The following ABL2 variants were observed in gnomAD, a reference collection of about 807,000 sequenced individuals.
The protein encoded by ABL2 is tyrosine-protein kinase ABL2.
Under a neutral mutation model 107.7 loss-of-function variants are expected in ABL2, and 49 were observed. The observed-to-expected ratio is 0.45, with a 90% CI of 0.36 to 0.58. ABL2 has a LOEUF of 0.58. Among genes scored for constraint, ABL2 ranks in the 20% least tolerant of loss-of-function variants. ABL2 has a pLI of 0.00. For synonymous variants in ABL2, 549 were observed against 548.6 expected (o/e 1.00, Z -0.01); for missense variants, 1,245 against 1,457.0 (o/e 0.85, Z 2.37).
At chr1:179,137,165 G>C (rs2102690889) in intron 1 of ABL2, among the ~76,000 whole-genome samples, 1 of 152,162 alleles carries the variant, frequency 6.6e-6, no homozygotes, top group East Asian at 1.9e-4. Flanking sequence ...TGGTGAATGG[G>C]AACAGCTGTA....
intron 4 of ABL2, among the ~76,000 whole-genome samples, chr1:179,122,275 TTA>T (rs1491234428): frequency 2.1e-5 from 2 of 96,978 alleles, no homozygotes; most frequent in Admixed American, 1.1e-4. Context: ...AAGGCTATCT[TTA>T]AAAAAAAAAA....
intron 7 of ABL2, among the ~76,000 whole-genome samples, chr1:179,117,849 T>C (rs567983397): frequency 1.1e-3 from 168 of 152,210 alleles, no homozygotes; most frequent in African/African-American, 3.9e-3. Context: ...CCAGGTGTGG[T>C]GGCTCACGCC....
intron 1 of ABL2, among the ~76,000 whole-genome samples, chr1:179,224,846 T>C (rs1274667488): frequency 7.1e-6 from 1 of 140,280 alleles, no homozygotes; most frequent in Non-Finnish European, 1.5e-5. Flanking sequence ...GAGACCTCCG[T>C]CTCTACAAAA....
chr1:179,174,661 C>T (rs2791944), intron 1 of ABL2, among the ~76,000 whole-genome samples: 67,434 of 151,090 alleles, frequency 0.45, 15,231 homozygotes, highest in Admixed American at 0.51. Context: ...AAATTTTCTA[C>T]TGGGGCTGAG....
intron 1 of ABL2, among the ~76,000 whole-genome samples, chr1:179,141,169 C>T (rs1173520374): frequency 6.7e-6 from 1 of 149,410 alleles, no homozygotes; most frequent in African/African-American, 2.5e-5. Flanking sequence ...TGGCACACAA[C>T]TGTAGTCCCA....
chr1:179,104,112 ATAG>A lies in ABL2; in HGVS notation c.*3603_*3605del, dbSNP rs764701368. The A allele has an allele frequency of 4.3e-6, 1 of 232,464 alleles. No individual in the cohort carries two copies. The highest frequency in any genetic ancestry group is 8.5e-6 in the Non-Finnish European group (1 of 117,530). The allele number at this position is 232,464 out of a possible 1,614,324, so 14.4% of individuals were successfully genotyped here. A position where few individuals can be genotyped will look rare whatever the true frequency, so the allele number is the denominator to read the frequency against. ...TGCATCCCTAGACTAGGTGTTAATAATAGTAGTAGTAGAACATTTATAGAGTGT... is the reference window on the plus strand; with the variant it reads ...TGCATCCCTAGACTAGGTGTTAATAATAGTAGTAGAACATTTATAGAGTGT... On this transcript the variant is annotated 3_prime_UTR_variant, in exon 12 of 12. Transcript: ENST00000502732.
chr1:179,142,782 G>C, intron 1 of ABL2: 1 of 795,184 alleles, frequency 1.3e-6, no homozygotes, highest in African/African-American at 1.7e-5. Flanking sequence ...ATCCTACTAT[G>C]AGATATTCCC....
intron 1 of ABL2, among the ~76,000 whole-genome samples, chr1:179,198,878 G>A (rs1198584845): frequency 7.9e-6 from 1 of 126,548 alleles, no homozygotes; most frequent in Non-Finnish European, 1.6e-5. Context: ...GTCTTGCTCT[G>A]TTGCCCAGGC....
At chr1:179,159,640 T>G (rs1026171642) in intron 1 of ABL2, among the ~76,000 whole-genome samples, 1 of 152,206 alleles carries the variant, frequency 6.6e-6, no homozygotes, top group Non-Finnish European at 1.5e-5. Context: ...CATGGGCTGC[T>G]ACACTGATTT....
chr1:179,182,690 C>A (rs556123532), intron 1 of ABL2, among the ~76,000 whole-genome samples: 4 of 152,120 alleles, frequency 2.6e-5, no homozygotes, highest in Admixed American at 2.0e-4. Flanking sequence ...CACTCATAAA[C>A]CTTTTAATCT....
intron 1 of ABL2, among the ~76,000 whole-genome samples, chr1:179,200,226 T>A (rs1172034974): frequency 6.6e-6 from 1 of 151,776 alleles, no homozygotes; most frequent in African/African-American, 2.4e-5. Context: ...TTTGTATTTT[T>A]AGTAGAGATG....
At chr1:179,132,272 T>C (rs1656406578) in intron 2 of ABL2, among the ~76,000 whole-genome samples, 1 of 152,330 alleles carries the variant, frequency 6.6e-6, no homozygotes, top group Middle Eastern at 3.4e-3. Context: ...CCAAGCCTTT[T>C]ACGACCTGTT....
At chr1:179,136,074 A>G (rs1376593846) in intron 1 of ABL2, among the ~76,000 whole-genome samples, 9 of 130,766 alleles carry the variant, frequency 6.9e-5, no homozygotes, top group East Asian at 2.5e-4. Flanking sequence ...CGCCCCGTCC[A>G]GGAGGGAGGT....
At position 179,229,483 on chromosome 1, in the gene ABL2, G is replaced by C. The variant is rs914397614; in HGVS notation, c.-86C>G. 6 of 1,351,540 alleles carry C rather than the reference G, an allele frequency of 4.4e-6. No individual in the cohort carries two copies. The African/African-American group carries it at 6.2e-5, about 14-fold the overall frequency. 83.7% of individuals were successfully genotyped at this position (1,351,540 alleles called of 1,614,324 possible). A position where few individuals can be genotyped will look rare whatever the true frequency, so the allele number is the denominator to read the frequency against. ...GGCCTCGGGCTCCTGGCGCTGCTCC[G>C]GTCTCTCCCTCCCAGCCCAGGCCCT... On this transcript the variant is annotated 5_prime_UTR_variant, in exon 1 of 12. Coordinates refer to ENST00000502732, the MANE Select transcript of ABL2 (RefSeq NM_007314.4).
At position 179,219,296 on chromosome 1, in the gene ABL2, G is replaced by A. The variant is rs555530449; in HGVS notation, c.157+9945C>T. 2.0e-5 allele frequency among the ~76,000 whole-genome samples: 3 copies of A among 152,092 alleles called. 1 individual carries two copies. In the South Asian group the frequency reaches 6.2e-4, roughly 32 times the overall value. ...GAGCTTAAAGCAATCCACCTGCTTC[G>A]GCCTCCCAAAGTGCTGGGATTACAG... On this transcript the variant is annotated intron_variant, in intron 1 of 11. Coordinates refer to ENST00000502732, the MANE Select transcript of ABL2 (RefSeq NM_007314.4).
chr1:179,191,269 T>C (rs956989048), intron 1 of ABL2, among the ~76,000 whole-genome samples: 4 of 152,228 alleles, frequency 2.6e-5, no homozygotes, highest in Non-Finnish European at 4.4e-5. Context: ...GAATAAGCAC[T>C]GATTTCTGCC....
chr1:179,150,108 C>T (rs905994788), intron 1 of ABL2, among the ~76,000 whole-genome samples: 7 of 151,868 alleles, frequency 4.6e-5, no homozygotes, highest in South Asian at 2.1e-4. Context: ...GGCATGGTGG[C>T]GCACACCTGT....
intron 3 of ABL2, among the ~76,000 whole-genome samples, chr1:179,129,226 T>C (rs1250675232): frequency 6.6e-6 from 1 of 152,250 alleles, no homozygotes. Flanking sequence ...GAATCAACAG[T>C]CTTTCTTTAT....
At chr1:179,144,459 C>CA (rs945690391) in intron 1 of ABL2, among the ~76,000 whole-genome samples, 61 of 150,452 alleles carry the variant, frequency 4.1e-4, no homozygotes, top group African/African-American at 1.1e-3. Flanking sequence ...GACTCCATCT[C>CA]AAAAAAAACA....
Sources: gnomAD v4.1 joint callset for allele counts (sites outside exome capture counted in the v4.1 genomes callset) on GRCh38, gnomAD v4.1.1 for gene constraint, MANE v1.5 for transcripts, NCBI Gene and HGNC (gene_info 2026-07-23, HGNC 2026-07-21) for gene names.